The following IFT43 variants were observed in gnomAD, a reference collection of about 807,000 sequenced individuals.
The protein encoded by IFT43 is intraflagellar transport 43, also known as intraflagellar transport protein 43 homolog.
In IFT43, 33 loss-of-function variants were observed where a neutral mutation model predicts 32.3. The ratio of observed to expected loss-of-function variants is 1.02; its 90% confidence interval spans 0.77 to 1.37. The LOEUF (loss-of-function observed/expected upper bound fraction) is 1.37, where lower values mean the gene tolerates loss of function less well. Ranked by LOEUF, IFT43 falls within the 40% of genes most tolerant of loss-of-function variation. The pLI is 0.00. For missense variants in IFT43, 274 were observed against 265.9 expected, an observed-to-expected ratio of 1.03 and a Z score of -0.21; for synonymous variants, 93 against 98.2, an observed-to-expected ratio of 0.95 and a Z score of 0.31.
chr14:76,063,926 C>T (rs935826849), intron 5 of IFT43, among the ~76,000 whole-genome samples: 3 of 152,098 alleles, frequency 2.0e-5, no homozygotes, highest in African/African-American at 7.2e-5. Context: ...AAGTAAGCTC[C>T]CCAGATGAAT....
At chr14:76,017,682 G>A (rs912624809) in intron 2 of IFT43, among the ~76,000 whole-genome samples, 4 of 151,974 alleles carry the variant, frequency 2.6e-5, no homozygotes, top group African/African-American at 9.7e-5. Context: ...TCTAGTCTTG[G>A]GCTTTTCTTT....
At chr14:76,011,517 G>A (rs2036085060) in intron 2 of IFT43, among the ~76,000 whole-genome samples, 2 of 152,116 alleles carry the variant, frequency 1.3e-5, no homozygotes, top group Non-Finnish European at 2.9e-5. Flanking sequence ...CCATTGTTAA[G>A]GAATGTTTTT....
At chr14:75,992,332 G>A (rs748189711) in intron 2 of IFT43, among the ~76,000 whole-genome samples, 5 of 152,142 alleles carry the variant, frequency 3.3e-5, no homozygotes, top group Non-Finnish European at 7.3e-5. Context: ...GCATTGAGAC[G>A]CTTTTTAATA....
In IFT43 at chr14:75,985,912, C is replaced by T. The variant is rs1438808562; in HGVS notation, c.54+72C>T. ...GGAGGAGCGACCCCGCCGGCCCCGA[C>T]TTCTCTGAGGCGACTCAGGGCGGCA... is the stretch of plus-strand genomic sequence containing the variant. On this transcript the variant is annotated intron_variant, in intron 1 of 8. Transcript: ENST00000314067. 5.1e-6 allele frequency: 8 copies of T among 1,583,984 alleles called. No individual in the cohort carries two copies. The South Asian group carries it at 6.8e-5, about 13-fold the overall frequency.
intron 5 of IFT43, among the ~76,000 whole-genome samples, chr14:76,074,192 A>G (rs2037372518): frequency 6.6e-6 from 1 of 152,198 alleles, no homozygotes; most frequent in East Asian, 1.9e-4. Context: ...ATGTTCTTCC[A>G]CTGGCGGCTC....
intron 3 of IFT43, among the ~76,000 whole-genome samples, chr14:76,038,651 G>A (rs2036648623): frequency 6.6e-6 from 1 of 152,158 alleles, no homozygotes; most frequent in African/African-American, 2.4e-5. Flanking sequence ...AATCATAGAT[G>A]TTCAGCAAGA....
At chr14:75,999,227 T>TTATA (rs1162371057) in intron 2 of IFT43, among the ~76,000 whole-genome samples, 109 of 95,986 alleles carry the variant, frequency 1.1e-3, no homozygotes, top group Non-Finnish European at 1.7e-3. Flanking sequence ...TAAATTCATT[T>TTATA]TATATATATA....
chr14:76,062,948 A>AGGG lies in IFT43; in HGVS notation c.295+3575_295+3576insGGG, dbSNP rs2037169710. 5.7e-5 allele frequency among the ~76,000 whole-genome samples: 8 copies of AGGG among 141,158 alleles called. No homozygotes were observed. In the Admixed American group the frequency reaches 5.9e-4, roughly 10 times the overall value. 92.6% of individuals were successfully genotyped at this position (141,158 alleles called of 152,430 possible). A position where few individuals can be genotyped will look rare whatever the true frequency, so the allele number is the denominator to read the frequency against. ...AAAAAAAAAAAAAAAAAAAGAAAAT[A>AGGG]CATTAAGTCAAACCACTGTAAATTG... On this transcript the variant is annotated intron_variant, in intron 5 of 8. Transcript: ENST00000314067.
At chr14:76,043,617 A>C (rs1305918678) in intron 3 of IFT43, among the ~76,000 whole-genome samples, 1 of 152,212 alleles carries the variant, frequency 6.6e-6, no homozygotes, top group African/African-American at 2.4e-5. Context: ...AGATGTAAAA[A>C]GAAATCTGTT....
intron 5 of IFT43, among the ~76,000 whole-genome samples, chr14:76,064,136 G>T (rs1323893776): frequency 6.6e-6 from 1 of 152,114 alleles, no homozygotes; most frequent in African/African-American, 2.4e-5. Context: ...TTGCTTTCCA[G>T]TATCTCTTCA....
intron 3 of IFT43, among the ~76,000 whole-genome samples, chr14:76,054,715 G>A (rs1201814521): frequency 1.2e-4 from 19 of 152,218 alleles, no homozygotes; most frequent in Admixed American, 1.2e-3. Context: ...TGGGGAAAAA[G>A]GCACAGGGGC....
chr14:76,007,572 C>G (rs530625937), intron 2 of IFT43, among the ~76,000 whole-genome samples: 28 of 152,182 alleles, frequency 1.8e-4, no homozygotes, highest in South Asian at 6.2e-4. Context: ...TACAAAGTCA[C>G]TAAGTCATGT....
chr14:76,001,645 T>C (rs915617610), intron 2 of IFT43, among the ~76,000 whole-genome samples: 10 of 152,238 alleles, frequency 6.6e-5, no homozygotes, highest in Admixed American at 1.3e-4. Flanking sequence ...ATCCAGGCTT[T>C]AGGGGGTGTC....
chr14:76,003,187 A>G (rs547245201), intron 2 of IFT43, among the ~76,000 whole-genome samples: 1 of 152,104 alleles, frequency 6.6e-6, no homozygotes, highest in Non-Finnish European at 1.5e-5. Flanking sequence ...ATAGAGAGTT[A>G]TGTCACTGTG....
At position 75,990,911 on chromosome 14, in the gene IFT43, G is replaced by A. The variant is rs528443119; in HGVS notation, c.147+1934G>A. 1.2e-3 allele frequency among the ~76,000 whole-genome samples: 189 copies of A among 152,284 alleles called. 3 individuals carry two copies. In the South Asian group the frequency reaches 0.017, roughly 14 times the overall value. On this transcript the variant is annotated intron_variant, in intron 2 of 8. Transcript: ENST00000314067. ...ATTTACTCAACAACTATTTATTGAA[G>A]CACACAGTAAGTGCCAGGCACCATT... is the stretch of plus-strand genomic sequence containing the variant.
At chr14:76,013,707 C>A in intron 2 of IFT43, 1 of 346,780 alleles carries the variant, frequency 2.9e-6, no homozygotes, top group South Asian at 4.9e-5. Context: ...GATGAAGGAG[C>A]TTGAAGAAAT....
intron 5 of IFT43, chr14:76,076,565 A>G (rs1411504170): frequency 6.2e-7 from 1 of 1,613,598 alleles, no homozygotes; most frequent in Non-Finnish European, 8.5e-7. Flanking sequence ...TTGCAAGCTG[A>G]GTCCAATCTA....
At chr14:76,063,235 CT>C (rs1465948386) in intron 5 of IFT43, among the ~76,000 whole-genome samples, 2 of 152,204 alleles carry the variant, frequency 1.3e-5, no homozygotes, top group East Asian at 3.8e-4. Flanking sequence ...CCATACCACC[CT>C]GAACGCGCCA....
intron 2 of IFT43, among the ~76,000 whole-genome samples, chr14:76,010,040 C>T (rs1178168430): frequency 1.3e-5 from 2 of 152,178 alleles, no homozygotes; most frequent in Non-Finnish European, 2.9e-5. Flanking sequence ...GGTGATCCTC[C>T]CTCCTCGGCC....
Sources: gnomAD v4.1 joint callset for allele counts (sites outside exome capture counted in the v4.1 genomes callset) on GRCh38, gnomAD v4.1.1 for gene constraint, MANE v1.5 for transcripts, NCBI Gene and HGNC (gene_info 2026-07-23, HGNC 2026-07-21) for gene names.